TESMIN: variants seen among roughly 807,000 people sequenced by gnomAD.
The protein encoded by TESMIN is CXC domain containing 2.
In TESMIN, 34 loss-of-function variants were observed where a neutral mutation model predicts 47.4. The observed-to-expected ratio is 0.72, with a 90% CI of 0.55 to 0.96. The LOEUF is 0.96. Ranked by LOEUF, TESMIN falls within the 40% of genes least tolerant of loss-of-function variation. The pLI, the probability that TESMIN is intolerant of heterozygous loss-of-function variation, is 0.00. For missense variants in TESMIN, 610 were observed against 637.2 expected (o/e 0.96, Z 0.46); for synonymous variants, 278 against 258.9 (o/e 1.07, Z -0.71).
Position 68,750,188 on chromosome 11 carries a change from A to G in TESMIN, c.471+2T>C. 1 of 1,477,268 alleles carries G rather than the reference A, an allele frequency of 6.8e-7. No individual in the cohort carries two copies. 91.5% of individuals were successfully genotyped at this position (1,477,268 alleles called of 1,614,324 possible). ...TGTGCCCATTCCCCAGGCGGTTCTTACTGGGATCATGCGGACGCCCGGGTG... is the reference window on the plus strand; with the variant it reads ...TGTGCCCATTCCCCAGGCGGTTCTTGCTGGGATCATGCGGACGCCCGGGTG... On this transcript the variant is annotated splice_donor_variant, in intron 2 of 9. Transcript: ENST00000255087. LOFTEE classifies it high-confidence loss of function.
rs111489526 is a variant in TESMIN at position 68,732,335 on chromosome 11, C to T, written c.917+6365G>A. ...CTGTTTCTTTGGCCTTCCATTCTGA[C>T]GTAATTCAAGTTAAGCCTTTCTTAG... is the stretch of plus-strand genomic sequence containing the variant. On this transcript the variant is annotated intron_variant, in intron 6 of 9. Coordinates refer to ENST00000255087, the MANE Select transcript of TESMIN (RefSeq NM_004923.3). Among the ~76,000 whole-genome samples the T allele has an allele frequency of 3.9e-5, 6 of 152,192 alleles. No individual in the cohort carries two copies. The South Asian group carries it at 6.2e-4, about 16-fold the overall frequency.
intron 6 of TESMIN, among the ~76,000 whole-genome samples, chr11:68,732,306 G>A (rs61889263): frequency 2.2e-3 from 339 of 152,352 alleles, no homozygotes; most frequent in Non-Finnish European, 4.0e-3. Context: ...TTCTAGACAA[G>A]AAGCTGTTTC....
downstream of TESMIN, among the ~76,000 whole-genome samples, chr11:68,705,420 G>A (rs528646866): frequency 2.0e-5 from 3 of 152,298 alleles, no homozygotes; most frequent in South Asian, 6.2e-4. Flanking sequence ...TTTGTAAAGG[G>A]ATAGGAGCAT....
rs1946131929 is a variant in TESMIN at position 68,715,896 on chromosome 11, T to C, written c.961A>G (p.Asn321Asp). 2 of 1,613,584 alleles carry C rather than the reference T, an allele frequency of 1.2e-6. No individual in the cohort carries two copies. The highest frequency in any genetic ancestry group is 2.2e-5 in the South Asian group (2 of 91,068). Residue 321 changes from asparagine (N) to aspartate (D), a missense_variant, in exon 7 of 10, where the codon AAT becomes GAT. By Grantham distance (23) the Asn-to-Asp change is conservative (BLOSUM62 1). Transcript: ENST00000255087. ...AAGTTGTTGCAACAATTATTACAATTGCAGTTGTTGCAAAAGTCCCCACTG... is the reference window on the plus strand; with the variant it reads ...AAGTTGTTGCAACAATTATTACAATCGCAGTTGTTGCAAAAGTCCCCACTG... ...FASGDFCNNC[N>D]CNNCCNNLHH... is the part of the protein sequence containing the mutation.
intron 6 of TESMIN, among the ~76,000 whole-genome samples, chr11:68,721,753 A>G (rs1476541191): frequency 6.6e-6 from 1 of 152,212 alleles, no homozygotes; most frequent in Non-Finnish European, 1.5e-5. Flanking sequence ...TGGCCTCCTA[A>G]TTAACCTCGC....
chr11:68,707,336 A>G (rs1003280467), downstream of TESMIN: 2 of 155,536 alleles, frequency 1.3e-5, no homozygotes, highest in Non-Finnish European at 2.9e-5. Context: ...AGTGGCCAAC[A>G]CTAGTAATGA....
chr11:68,708,656 G>A (rs758515792), intron 9 of TESMIN, among the ~76,000 whole-genome samples, 156 bp from the exon 10 acceptor site: 5 of 152,188 alleles, frequency 3.3e-5, no homozygotes, highest in Non-Finnish European at 7.4e-5. Flanking sequence ...AAACTATTAG[G>A]CTGGGCACAG....
Position 68,708,162 on chromosome 11 carries a change from A to C in TESMIN, c.*146T>G. On this transcript the variant is annotated 3_prime_UTR_variant, in exon 10 of 10. Transcript: ENST00000255087. ...GGGGCATGGGTTGCCACATCTTCAG[A>C]GAGCTCTGAGTAAACTCCCTGGGCC... 4 of 735,974 alleles carry C rather than the reference A, an allele frequency of 5.4e-6. No individual in the cohort carries two copies. Among genetic ancestry groups the C allele is most frequent in the Non-Finnish European group, 6.6e-6 (3 of 451,560 alleles). The allele number at this position is 735,974 out of a possible 1,614,324, so 45.6% of individuals were successfully genotyped here.
rs752453815 is a variant in TESMIN, at chr11:68,715,883, C to A, written c.974G>T (p.Cys325Phe). The change falls in exon 7 of 10, where the codon TGT (cysteine) becomes TTT (phenylalanine). Residue 325 changes from cysteine (C) to phenylalanine (F), a missense_variant. Coordinates refer to ENST00000255087, the MANE Select transcript of TESMIN (RefSeq NM_004923.3). ...DFCNNCNCNN[C>F]CNNLHHDIER... is the part of the protein sequence containing the mutation. ...AATATCATGATGCAAGTTGTTGCAA[C>A]AATTATTACAATTGCAGTTGTTGCA... 8 of 1,613,522 alleles carry A rather than the reference C, an allele frequency of 5.0e-6. No individual in the cohort carries two copies. Among genetic ancestry groups the A allele is most frequent in the East Asian group, 4.5e-5 (2 of 44,888 alleles).
intron 8 of TESMIN, among the ~76,000 whole-genome samples, chr11:68,712,360 T>A (rs1946083580): frequency 6.6e-6 from 1 of 152,014 alleles, no homozygotes; most frequent in Admixed American, 6.5e-5. Context: ...AGCTGGGGAG[T>A]GTGGGGTCCA....
chr11:68,747,187 C>A (rs1393342044), intron 3 of TESMIN, 21 bp downstream of exon 3: 2 of 1,610,120 alleles, frequency 1.2e-6, no homozygotes, highest in Non-Finnish European at 1.7e-6. Flanking sequence ...TAGTCCTACA[C>A]ATCTTCTTTA....
At chr11:68,725,543 T>C (rs1032305858) in intron 6 of TESMIN, among the ~76,000 whole-genome samples, 1 of 152,084 alleles carries the variant, frequency 6.6e-6, no homozygotes, top group Admixed American at 6.6e-5. Context: ...TTCAAGGAAA[T>C]ACTCATGATA....
intron 6 of TESMIN, among the ~76,000 whole-genome samples, chr11:68,734,975 C>T (rs1263466400): frequency 1.3e-5 from 2 of 152,200 alleles, no homozygotes; most frequent in African/African-American, 2.4e-5. Context: ...AGTGACCCAT[C>T]CCACTCCCCA....
At chr11:68,737,636 G>A (rs549794432) in intron 6 of TESMIN, 2 of 985,746 alleles carry the variant, frequency 2.0e-6, no homozygotes, top group African/African-American at 3.5e-5. Context: ...AACTCCTGCA[G>A]GCAGGCCGGG....
intron 6 of TESMIN, among the ~76,000 whole-genome samples, chr11:68,727,589 CA>C (rs1946280540): frequency 6.6e-6 from 1 of 152,164 alleles, no homozygotes; most frequent in African/African-American, 2.4e-5. Flanking sequence ...AATAATTGTC[CA>C]AAAATGTATA....
At chr11:68,733,454 C>T (rs2153991905) in intron 6 of TESMIN, among the ~76,000 whole-genome samples, 1 of 152,212 alleles carries the variant, frequency 6.6e-6, no homozygotes, top group African/African-American at 2.4e-5. Flanking sequence ...AAGATAATAC[C>T]AAAAATTCGT....
intron 4 of TESMIN, among the ~76,000 whole-genome samples, chr11:68,743,284 G>C (rs530865064): frequency 3.6e-4 from 53 of 148,010 alleles, no homozygotes; most frequent in Admixed American, 6.1e-4. Context: ...TGTCACCCAG[G>C]CTAGAGTGCA....
chr11:68,713,170 T>A, intron 8 of TESMIN, 100 bp downstream of exon 8: 1 of 1,200,740 alleles, frequency 8.3e-7, no homozygotes, highest in Non-Finnish European at 1.1e-6. Flanking sequence ...AATAATTATA[T>A]TTATCTTTTT....
chr11:68,707,529 C>A lies in TESMIN; in HGVS notation c.*779G>T. ...AATTCATTTTACCTGCTGGTTTCCA[C>A]AAGCTAGTTATGTGAACCATGTTTT... On this transcript the variant is annotated 3_prime_UTR_variant, in exon 10 of 10. Coordinates refer to ENST00000255087, the MANE Select transcript of TESMIN (RefSeq NM_004923.3). 1 of 182,218 alleles carries A rather than the reference C, an allele frequency of 5.5e-6. No individual in the cohort carries two copies. Among genetic ancestry groups the A allele is most frequent in the Non-Finnish European group, 1.2e-5 (1 of 83,848 alleles). The allele number at this position is 182,218 out of a possible 1,614,324, so 11.3% of individuals were successfully genotyped here. A position where few individuals can be genotyped will look rare whatever the true frequency, so the allele number is the denominator to read the frequency against.
Sources: gnomAD v4.1 joint callset for allele counts (sites outside exome capture counted in the v4.1 genomes callset) on GRCh38, gnomAD v4.1.1 for gene constraint, MANE v1.5 for transcripts, NCBI Gene and HGNC (gene_info 2026-07-23, HGNC 2026-07-21) for gene names.